Variants in ARHGAP40 observed in about 807,000 individuals in gnomAD.
ARHGAP40 encodes the protein rho GTPase-activating protein 40.
In ARHGAP40, 43 loss-of-function variants were observed where a neutral mutation model predicts 73.5. The observed-to-expected ratio is 0.58, with a 90% CI of 0.46 to 0.75. The LOEUF (loss-of-function observed/expected upper bound fraction) is 0.75. Among genes scored for constraint, ARHGAP40 ranks in the 30% least tolerant of loss-of-function variants. The probability of loss-of-function intolerance (pLI) is 0.00; values close to 1 mark genes in which losing one functional copy is unlikely to be tolerated. For synonymous variants in ARHGAP40, 300 were observed against 352.8 expected (o/e 0.85, Z 1.68); for missense variants, 734 against 861.8 (o/e 0.85, Z 1.86).
chr20:38,637,458 C>T (rs2088982654), intron 6 of ARHGAP40, among the ~76,000 whole-genome samples: 1 of 152,030 alleles, frequency 6.6e-6, no homozygotes, highest in African/African-American at 2.4e-5. Context: ...CCTTTCAATA[C>T]TTCTTTAACC....
At chr20:38,613,688 G>C (rs1402900553) in intron 1 of ARHGAP40, among the ~76,000 whole-genome samples, 1 of 152,202 alleles carries the variant, frequency 6.6e-6, no homozygotes, top group African/African-American at 2.4e-5. Flanking sequence ...ACAGCTAAAG[G>C]GGGCACCCAT....
chr20:38,604,957 A>G (rs1355308648), intron 1 of ARHGAP40, among the ~76,000 whole-genome samples: 1 of 149,738 alleles, frequency 6.7e-6, no homozygotes, highest in Non-Finnish European at 1.5e-5. Context: ...AAAAAAAGCG[A>G]AAACTACTTC....
intron 5 of ARHGAP40, among the ~76,000 whole-genome samples, chr20:38,631,719 C>T (rs963446369): frequency 2.0e-5 from 3 of 152,162 alleles, no homozygotes; most frequent in Non-Finnish European, 2.9e-5. Flanking sequence ...GAACACCTGG[C>T]AGCCTGACCC....
chr20:38,649,947 G>T, exon 15 of ARHGAP40: 7 of 926,370 alleles, frequency 7.6e-6, no homozygotes, highest in Non-Finnish European at 1.1e-5. Flanking sequence ...TCCAGGGGAG[G>T]GTCTGAGTTT....
At chr20:38,630,064 CTT>C (rs2088927887) in intron 5 of ARHGAP40, among the ~76,000 whole-genome samples, 2 of 134,538 alleles carry the variant, frequency 1.5e-5, no homozygotes, top group East Asian at 2.3e-4. Context: ...CTTCTTTTTT[CTT>C]TCTTTCTTTC....
chr20:38,627,456 G>C, intron 3 of ARHGAP40, among the ~76,000 whole-genome samples: 1 of 146,508 alleles, frequency 6.8e-6, no homozygotes, highest in East Asian at 2.0e-4. Flanking sequence ...TGTGTGTGTT[G>C]GTGTGTGTGT....
chr20:38,640,233 T>TA (rs1382790262), intron 9 of ARHGAP40, among the ~76,000 whole-genome samples: 4 of 149,702 alleles, frequency 2.7e-5, no homozygotes, highest in Non-Finnish European at 5.9e-5. Flanking sequence ...TTTTTTTTTT[T>TA]AGAGATGGGG....
At chr20:38,642,916 G>T (rs1387275794) in intron 10 of ARHGAP40, among the ~76,000 whole-genome samples, 1 of 152,168 alleles carries the variant, frequency 6.6e-6, no homozygotes, top group East Asian at 1.9e-4. Flanking sequence ...CAAGACGGGA[G>T]GATCACTTGA....
At chr20:38,607,065 C>T (rs1289747190) in intron 1 of ARHGAP40, among the ~76,000 whole-genome samples, 1 of 152,172 alleles carries the variant, frequency 6.6e-6, no homozygotes, top group Non-Finnish European at 1.5e-5. Context: ...CATGTGAGGG[C>T]TTAGTACAGT....
chr20:38,640,702 C>T (rs1348787262), intron 9 of ARHGAP40, among the ~76,000 whole-genome samples: 1 of 152,132 alleles, frequency 6.6e-6, no homozygotes, highest in Non-Finnish European at 1.5e-5. Flanking sequence ...CAGGCTCTCT[C>T]GCTTTGCTGT....
intron 5 of ARHGAP40, among the ~76,000 whole-genome samples, chr20:38,631,722 C>A (rs1282518087): frequency 6.6e-6 from 1 of 152,120 alleles, no homozygotes; most frequent in Non-Finnish European, 1.5e-5. Context: ...CACCTGGCAG[C>A]CTGACCCTGG....
At chr20:38,634,887 T>G (rs1437889025) in intron 6 of ARHGAP40, 102 bp downstream of exon 6, 1 of 360,880 alleles carries the variant, frequency 2.8e-6, no homozygotes, top group Non-Finnish European at 3.3e-6. Flanking sequence ...TCTTTCTTTC[T>G]TTTTTTTTTT....
chr20:38,646,806 C>A lies in ARHGAP40; in HGVS notation c.1711-151C>A. The A allele has an allele frequency of 1.6e-6, 1 of 625,750 alleles. No homozygotes were observed. Among genetic ancestry groups the A allele is most frequent in the Non-Finnish European group, 2.4e-6 (1 of 415,150 alleles). 38.8% of individuals were successfully genotyped at this position (625,750 alleles called of 1,614,324 possible). A position where few individuals can be genotyped will look rare whatever the true frequency, so the allele number is the denominator to read the frequency against. On this transcript the variant is annotated intron_variant, in intron 12 of 14. Coordinates refer to ENST00000373345, the Ensembl canonical transcript of ARHGAP40. The surrounding 1 kb of genome is among the most constrained non-coding windows in gnomAD (Gnocchi z 4.5). ...GGAATGTGTATGTCTGTGATCTGTG[C>A]CCAAGTGTCCGGTATGCGTGTGTGT... is the stretch of plus-strand genomic sequence containing the variant.
intron 9 of ARHGAP40, among the ~76,000 whole-genome samples, chr20:38,640,239 T>TG (rs1452820100): frequency 1.3e-5 from 2 of 148,412 alleles, no homozygotes; most frequent in African/African-American, 5.0e-5. Context: ...TTTTTAGAGA[T>TG]GGGGTCTTGC....
At chr20:38,611,151 A>C (rs2088802515) in intron 1 of ARHGAP40, among the ~76,000 whole-genome samples, 1 of 152,018 alleles carries the variant, frequency 6.6e-6, no homozygotes. Flanking sequence ...CAGCCTCCCA[A>C]AGTGGAGGCA....
At chr20:38,615,605 T>C (rs1399728255) in intron 1 of ARHGAP40, 2 of 464,902 alleles carry the variant, frequency 4.3e-6, no homozygotes, top group Admixed American at 6.7e-5. Context: ...CCAATTTCTA[T>C]CCTTTATTGA....
Position 38,634,722 on chromosome 20 carries a change from G to A in ARHGAP40, c.886G>A (p.Ala296Thr), listed in dbSNP as rs529428617. The A allele has an allele frequency of 1.7e-4, 227 of 1,305,100 alleles. No individual in the cohort carries two copies. The South Asian group carries it at 2.5e-3, about 14-fold the overall frequency. The allele number at this position is 1,305,100 out of a possible 1,614,324, so 80.8% of individuals were successfully genotyped here. Residue 296 changes from alanine (A) to threonine (T), a missense_variant, in exon 6 of 15, where the codon GCG becomes ACG. By Grantham distance (58) the Ala-to-Thr change is moderately conservative. Coordinates refer to ENST00000373345, the Ensembl canonical transcript of ARHGAP40. ...TTCTCTGGCCCTCATAGAGCTGACC[G>A]CGCTCTGTGACATCCTCGGCTTGGA...
chr20:38,628,003 C>T (rs1211710377), intron 3 of ARHGAP40, among the ~76,000 whole-genome samples: 5 of 152,172 alleles, frequency 3.3e-5, no homozygotes, highest in African/African-American at 9.7e-5. Context: ...AATACAGTGG[C>T]GTGACTGCTG....
At chr20:38,650,606 T>A in exon 15 of ARHGAP40, 1 of 470,876 alleles carries the variant, frequency 2.1e-6, no homozygotes, top group Non-Finnish European at 4.4e-6. Flanking sequence ...TGATATAATA[T>A]GTAAACGTAA....
Sources: gnomAD v4.1 joint callset for allele counts (sites outside exome capture counted in the v4.1 genomes callset) on GRCh38, gnomAD v4.1.1 for gene constraint, Gnocchi (gnomAD v3.1) non-coding constraint, MANE v1.5 for transcripts, NCBI Gene and HGNC (gene_info 2026-07-23, HGNC 2026-07-21) for gene names.